Variants in CDS2 observed in about 807,000 individuals in gnomAD.
CDS2 encodes phosphatidate cytidylyltransferase 2.
In CDS2, 47 loss-of-function variants were observed where a neutral mutation model predicts 59.0. That is an observed-to-expected ratio of 0.80 (90% CI 0.63 to 1.02). CDS2 has a LOEUF of 1.02. Among genes scored for constraint, CDS2 ranks in the 50% least tolerant of loss-of-function variants. The pLI, the probability that CDS2 is intolerant of heterozygous loss-of-function variation, is 0.00. For synonymous variants in CDS2, 207 were observed against 206.4 expected (o/e 1.00, Z -0.02); for missense variants, 356 against 558.9 (o/e 0.64, Z 3.66).
chr20:5,139,106 C>A (rs1163925390), intron 1 of CDS2, among the ~76,000 whole-genome samples: 1 of 152,184 alleles, frequency 6.6e-6, no homozygotes, highest in African/African-American at 2.4e-5. Flanking sequence ...CTTTGGGAGG[C>A]CAAGGTGGGT....
chr20:5,170,046 T>C (rs916381945), intron 1 of CDS2, among the ~76,000 whole-genome samples: 1 of 152,148 alleles, frequency 6.6e-6, no homozygotes, highest in African/African-American at 2.4e-5. Context: ...CAGTACTTTA[T>C]AGTTTTCATA....
chr20:5,128,776 C>T (rs2090578269), intron 1 of CDS2: 1 of 152,112 alleles, frequency 6.6e-6, no homozygotes, highest in African/African-American at 2.4e-5. Context: ...TTTGGAGGCT[C>T]TGTAGCTCTG....
chr20:5,129,022 C>T (rs909208490), intron 1 of CDS2, among the ~76,000 whole-genome samples: 2 of 152,124 alleles, frequency 1.3e-5, no homozygotes, highest in Non-Finnish European at 2.9e-5. Context: ...CGAGTTGAAC[C>T]GTCTTACTTT....
intron 1 of CDS2, among the ~76,000 whole-genome samples, chr20:5,145,117 A>G (rs2090729203): frequency 6.6e-6 from 1 of 151,988 alleles, no homozygotes; most frequent in South Asian, 2.1e-4. Flanking sequence ...GAGACAAGAC[A>G]CAGTAGTGTC....
At chr20:5,153,339 C>T (rs2090807940) in intron 1 of CDS2, among the ~76,000 whole-genome samples, 1 of 152,178 alleles carries the variant, frequency 6.6e-6, no homozygotes, top group Non-Finnish European at 1.5e-5. Flanking sequence ...AAAGTAAGCA[C>T]ATCTCTGCAA....
At chr20:5,182,471 C>A (rs763643613) in intron 6 of CDS2, 26 bp downstream of exon 6, 2 of 1,592,900 alleles carry the variant, frequency 1.3e-6, no homozygotes, top group South Asian at 2.3e-5. Context: ...GCGTGTGTGT[C>A]AGAATTCTTG....
intron 1 of CDS2, among the ~76,000 whole-genome samples, chr20:5,170,064 A>T (rs956351827): frequency 1.3e-4 from 20 of 152,068 alleles, no homozygotes; most frequent in Admixed American, 5.2e-4. Flanking sequence ...ATAGCCTTTC[A>T]TCGGGGTCGC....
intron 1 of CDS2, among the ~76,000 whole-genome samples, chr20:5,155,521 C>G (rs1315162696): frequency 6.6e-6 from 1 of 152,174 alleles, no homozygotes; most frequent in East Asian, 1.9e-4. Flanking sequence ...GTAGCTGTCT[C>G]CCTTCTGGCT....
At chr20:5,133,989 C>A (rs752873792) in intron 1 of CDS2, among the ~76,000 whole-genome samples, 1 of 152,130 alleles carries the variant, frequency 6.6e-6, no homozygotes, top group African/African-American at 2.4e-5. Context: ...CTATATAAAT[C>A]TTTCAAAATG....
At chr20:5,155,138 C>T (rs573115555) in intron 1 of CDS2, among the ~76,000 whole-genome samples, 24 of 152,366 alleles carry the variant, frequency 1.6e-4, no homozygotes, top group African/African-American at 5.5e-4. Context: ...TTTATTACCA[C>T]CCTCCATTTT....
chr20:5,153,032 G>A (rs997090502), intron 1 of CDS2, among the ~76,000 whole-genome samples: 3 of 152,112 alleles, frequency 2.0e-5, no homozygotes, highest in Non-Finnish European at 4.4e-5. Flanking sequence ...AATAATAGCC[G>A]GCTTTTGTGT....
In CDS2 at chr20:5,190,046, G is replaced by A; in HGVS notation, c.1206-56G>A. 2.5e-6 allele frequency: 4 copies of A among 1,595,208 alleles called. No homozygotes were observed. The South Asian group carries it at 4.5e-5, about 18-fold the overall frequency. On this transcript the variant is annotated intron_variant, in intron 12 of 12. Transcript: ENST00000460006. ...ATCAGAGCAGCCACTCAGATAATCA[G>A]GCCCTGGAAGCTTCCGGGCCCTAGC...
At chr20:5,133,050 A>T (rs1278960100) in intron 1 of CDS2, among the ~76,000 whole-genome samples, 1 of 151,602 alleles carries the variant, frequency 6.6e-6, no homozygotes, top group Non-Finnish European at 1.5e-5. Flanking sequence ...TGGCGCCCGT[A>T]GTCCCAGCTA....
intron 1 of CDS2, among the ~76,000 whole-genome samples, chr20:5,150,002 A>G (rs1757317277): frequency 1.3e-5 from 2 of 152,222 alleles, no homozygotes; most frequent in African/African-American, 4.8e-5. Flanking sequence ...GGTGTGAGCC[A>G]CTGCTCCTGG....
chr20:5,154,940 G>T (rs185517721), intron 1 of CDS2, among the ~76,000 whole-genome samples: 3 of 152,204 alleles, frequency 2.0e-5, no homozygotes, highest in Admixed American at 2.0e-4. Context: ...GAGCCGTTGC[G>T]CTCAGCTGAT....
intron 1 of CDS2, among the ~76,000 whole-genome samples, chr20:5,169,453 T>C (rs1465558189): frequency 6.6e-6 from 1 of 152,208 alleles, no homozygotes; most frequent in Non-Finnish European, 1.5e-5. Context: ...CTGGACACTT[T>C]GGTCCATCAT....
At chr20:5,167,897 G>A (rs1281416845) in intron 1 of CDS2, among the ~76,000 whole-genome samples, 1 of 152,240 alleles carries the variant, frequency 6.6e-6, no homozygotes, top group Non-Finnish European at 1.5e-5. Context: ...TGAATGCAGT[G>A]TCAGTGGGAA....
intron 5 of CDS2, among the ~76,000 whole-genome samples, chr20:5,181,455 G>A (rs1356189285): frequency 6.6e-6 from 1 of 152,302 alleles, no homozygotes; most frequent in South Asian, 2.1e-4. Flanking sequence ...AGTTTGGGGC[G>A]AGTCTGTGGA....
rs2091144364 is a variant in CDS2, at chr20:5,194,765, C to T, written c.*4531C>T. The stretch of plus-strand genomic sequence containing the variant: ...AAGACCCTGTCTCCTCCCCCACCCT[C>T]CCCTTCCTTTTCCCATCAAATGCCT... On this transcript the variant is annotated 3_prime_UTR_variant, in exon 13 of 13. Coordinates refer to ENST00000460006, the MANE Select transcript of CDS2 (RefSeq NM_003818.4). 6.6e-6 allele frequency: 1 copy of T among 152,000 alleles called. No individual in the cohort carries two copies. Among genetic ancestry groups the T allele is most frequent in the Non-Finnish European group, 1.5e-5 (1 of 68,014 alleles). The allele number at this position is 152,000 out of a possible 1,614,324, so 9.4% of individuals were successfully genotyped here.
Sources: gnomAD v4.1 joint callset for allele counts (sites outside exome capture counted in the v4.1 genomes callset) on GRCh38, gnomAD v4.1.1 for gene constraint, MANE v1.5 for transcripts, NCBI Gene and HGNC (gene_info 2026-07-23, HGNC 2026-07-21) for gene names.